PARD3: variants seen among roughly 807,000 people sequenced by gnomAD.
PARD3 encodes the protein par-3 family cell polarity regulator, also known as partitioning defective 3 homolog.
Under a neutral mutation model 155.4 loss-of-function variants are expected in PARD3, and 75 were observed. The observed-to-expected ratio is 0.48, with a 90% CI of 0.40 to 0.58. The LOEUF (loss-of-function observed/expected upper bound fraction) is 0.58. Ranked by LOEUF, PARD3 falls within the 20% of genes least tolerant of loss-of-function variation. PARD3 has a pLI of 0.00. For missense variants in PARD3, 1,642 were observed against 1,721.7 expected (o/e 0.95, Z 0.82); for synonymous variants, 576 against 610.5 (o/e 0.94, Z 0.83).
intron 2 of PARD3, among the ~76,000 whole-genome samples, chr10:34,624,261 G>A (rs2091865806): frequency 6.6e-6 from 1 of 152,180 alleles, no homozygotes; most frequent in Non-Finnish European, 1.5e-5. Context: ...CTGCTGGGAA[G>A]GTAGCAGTTG....
chr10:34,814,175 TGG>T (rs1314025822), intron 1 of PARD3, among the ~76,000 whole-genome samples: 2 of 152,134 alleles, frequency 1.3e-5, no homozygotes, highest in African/African-American at 4.8e-5. Context: ...GCCCAGCAAG[TGG>T]GATCAGCTCA....
chr10:34,169,054 C>G (rs914693205), intron 22 of PARD3, among the ~76,000 whole-genome samples: 2 of 152,196 alleles, frequency 1.3e-5, no homozygotes, highest in Admixed American at 6.5e-5. Context: ...CTGAGCTTCT[C>G]TATGTAAAAT....
intron 5 of PARD3, among the ~76,000 whole-genome samples, chr10:34,411,727 C>T (rs1217469847): frequency 7.7e-6 from 1 of 130,342 alleles, no homozygotes; most frequent in Non-Finnish European, 1.6e-5. Context: ...TAAAGACATA[C>T]ATATCTAGAT....
At chr10:34,187,980 G>A (rs2133242190) in intron 22 of PARD3, among the ~76,000 whole-genome samples, 1 of 152,348 alleles carries the variant, frequency 6.6e-6, no homozygotes, top group Middle Eastern at 3.4e-3. Context: ...GGAACGTGGA[G>A]CTGCAGATAA....
chr10:34,123,570 T>C (rs1312667994), intron 23 of PARD3, among the ~76,000 whole-genome samples: 1 of 152,050 alleles, frequency 6.6e-6, no homozygotes, highest in Non-Finnish European at 1.5e-5. Context: ...GGACTACAGG[T>C]ATGCACCACC....
intron 1 of PARD3, among the ~76,000 whole-genome samples, chr10:34,742,099 G>A (rs2095029411): frequency 6.6e-6 from 1 of 152,166 alleles, no homozygotes; most frequent in African/African-American, 2.4e-5. Context: ...AACCTTGGGA[G>A]GATGAAAATT....
rs190619427 is a variant in PARD3, at chr10:34,147,937, C to T, written c.3420-16354G>A. 2.8e-3 allele frequency among the ~76,000 whole-genome samples: 427 copies of T among 152,184 alleles called. 5 individuals carry two copies. Among genetic ancestry groups the T allele is most frequent in the African/African-American group, 9.7e-3 (402 of 41,534 alleles). ...GAGGACAGAGGAGAAAAGAATGGAG[C>T]AAAACATCTGCTAAAACTCAGCATG... is the stretch of plus-strand genomic sequence containing the variant. On this transcript the variant is annotated intron_variant, in intron 22 of 24. Coordinates refer to ENST00000374788, the MANE Select transcript of PARD3 (RefSeq NM_001184785.2).
intron 2 of PARD3, among the ~76,000 whole-genome samples, chr10:34,642,414 C>T (rs1038242574): frequency 1.4e-5 from 2 of 140,604 alleles, no homozygotes; most frequent in Non-Finnish European, 3.1e-5. Flanking sequence ...CTGCCTCTCA[C>T]GGCCTTCCAC....
chr10:34,529,273 T>C (rs574713715), intron 2 of PARD3, among the ~76,000 whole-genome samples: 1 of 152,208 alleles, frequency 6.6e-6, no homozygotes, highest in African/African-American at 2.4e-5. Context: ...ACTGCTGAGA[T>C]TGCAGGTTCC....
At chr10:34,410,576 G>A (rs868666117) in intron 5 of PARD3, among the ~76,000 whole-genome samples, 1 of 152,124 alleles carries the variant, frequency 6.6e-6, no homozygotes, top group Non-Finnish European at 1.5e-5. Context: ...ATCATTTTAA[G>A]GTAGCCAGTA....
intron 3 of PARD3, among the ~76,000 whole-genome samples, chr10:34,481,863 T>TG (rs369342049): frequency 1.8e-3 from 273 of 151,934 alleles, no homozygotes; most frequent in African/African-American, 6.3e-3. Flanking sequence ...GACAGGGTCT[T>TG]GCTCTGTCTC....
At chr10:34,564,480 C>A (rs995567370) in intron 2 of PARD3, among the ~76,000 whole-genome samples, 4 of 152,120 alleles carry the variant, frequency 2.6e-5, no homozygotes, top group African/African-American at 9.7e-5. Context: ...AGGTCTTGCT[C>A]ACAAGTCATC....
At chr10:34,480,794 C>CTTTTTTTTTTTT (rs61461165) in intron 3 of PARD3, among the ~76,000 whole-genome samples, 10 of 125,756 alleles carry the variant, frequency 8.0e-5, no homozygotes, top group African/African-American at 1.2e-4. Context: ...GTTTCTTTTT[C>CTTTTTTTTTTTT]TTTTTTTTTT....
chr10:34,697,035 A>AAC (rs538032384), intron 1 of PARD3, among the ~76,000 whole-genome samples: 6,821 of 136,862 alleles, frequency 0.05, 504 homozygotes, highest in African/African-American at 0.18. Flanking sequence ...AAAATGCGTA[A>AAC]ACACACACAC....
At chr10:34,363,651 C>T (rs186344402) in intron 12 of PARD3, among the ~76,000 whole-genome samples, 5 of 152,316 alleles carry the variant, frequency 3.3e-5, no homozygotes, top group Non-Finnish European at 5.9e-5. Flanking sequence ...TATCACCTTG[C>T]TATTCCATCC....
intron 3 of PARD3, among the ~76,000 whole-genome samples, chr10:34,511,948 A>T (rs2081422983): frequency 1.3e-5 from 2 of 152,106 alleles, no homozygotes; most frequent in Non-Finnish European, 2.9e-5. Context: ...CCGGGCTGTT[A>T]ATTTTATCTT....
At chr10:34,562,588 G>A (rs902870580) in intron 2 of PARD3, among the ~76,000 whole-genome samples, 28 of 151,806 alleles carry the variant, frequency 1.8e-4, no homozygotes, top group Admixed American at 1.6e-3. Flanking sequence ...AAATTTCATG[G>A]GACAATTCCC....
chr10:34,394,607 T>C (rs749956360), intron 7 of PARD3, among the ~76,000 whole-genome samples: 2 of 152,232 alleles, frequency 1.3e-5, no homozygotes, highest in Non-Finnish European at 2.9e-5. Flanking sequence ...ATTACATGAA[T>C]GAGCCATCAT....
At chr10:34,715,190 G>A (rs1021488760) in intron 1 of PARD3, among the ~76,000 whole-genome samples, 5 of 151,280 alleles carry the variant, frequency 3.3e-5, no homozygotes, top group African/African-American at 1.2e-4. Context: ...CAACCCACCT[G>A]CCTCAGCCTT....
Sources: gnomAD v4.1 joint callset for allele counts (sites outside exome capture counted in the v4.1 genomes callset) on GRCh38, gnomAD v4.1.1 for gene constraint, MANE v1.5 for transcripts, NCBI Gene and HGNC (gene_info 2026-07-23, HGNC 2026-07-21) for gene names.